NCOA2: variants seen among roughly 807,000 people sequenced by gnomAD.
NCOA2 encodes class E basic helix-loop-helix protein 75.
A neutral mutation model predicts 145.1 loss-of-function variants in NCOA2; 21 were observed. The observed-to-expected ratio is 0.14, with a 90% CI of 0.10 to 0.21. The LOEUF is 0.21. NCOA2 is among the 10% of genes least tolerant of loss of function. The pLI is 1.00. For synonymous variants in NCOA2, 619 were observed against 637.5 expected (o/e 0.97, Z 0.44); for missense variants, 1,472 against 1,837.6 (o/e 0.80, Z 3.64).
At position 70,196,444 on chromosome 8, in the gene NCOA2, G is replaced by A. The variant is rs115765317; in HGVS notation, c.259+17459C>T. On this transcript the variant is annotated intron_variant, in intron 4 of 22. Coordinates refer to ENST00000452400, the MANE Select transcript of NCOA2 (RefSeq NM_006540.4). ...TCTTCACCTATGATGGATATACATC[G>A]GCGATGAAAGCCTGGTTAGAAATGC... Among the ~76,000 whole-genome samples, 709 of 152,126 alleles carry A rather than the reference G, an allele frequency of 4.7e-3. 7 individuals carry two copies. Among genetic ancestry groups the A allele is most frequent in the African/African-American group, 0.017 (691 of 41,500 alleles).
intron 2 of NCOA2, chr8:70,273,347 G>T (rs58213005): frequency 4.6e-6 from 2 of 437,876 alleles, no homozygotes; most frequent in South Asian, 3.0e-5. Context: ...CTAGTCCCCC[G>T]CGCAGCCCCT....
intron 1 of NCOA2, among the ~76,000 whole-genome samples, chr8:70,314,897 C>T (rs1805464739): frequency 6.6e-6 from 1 of 152,150 alleles, no homozygotes; most frequent in African/African-American, 2.4e-5. Context: ...TTCATTTTAT[C>T]TAGCAGGAAG....
At chr8:70,279,516 C>T (rs1825719360) in intron 2 of NCOA2, among the ~76,000 whole-genome samples, 1 of 152,150 alleles carries the variant, frequency 6.6e-6, no homozygotes. Flanking sequence ...AAACACAAAC[C>T]TTAACCTTGG....
intron 2 of NCOA2, among the ~76,000 whole-genome samples, chr8:70,256,345 G>A (rs1410437889): frequency 6.6e-6 from 1 of 152,204 alleles, no homozygotes; most frequent in East Asian, 1.9e-4. Context: ...GGCTGCCATT[G>A]CTAGTAGTAA....
intron 2 of NCOA2, among the ~76,000 whole-genome samples, chr8:70,218,521 G>A (rs1306135324): frequency 2.6e-5 from 4 of 152,178 alleles, no homozygotes; most frequent in Admixed American, 1.3e-4. Flanking sequence ...TTTTAGCTAT[G>A]CGAGGCTCAC....
chr8:70,145,453 T>A (rs1421472271), intron 12 of NCOA2, among the ~76,000 whole-genome samples: 1 of 151,870 alleles, frequency 6.6e-6, no homozygotes, highest in Admixed American at 6.6e-5. Context: ...GCCTCCCGAG[T>A]AGCTGGGACT....
Position 70,191,370 on chromosome 8 carries a change from T to A in NCOA2, c.260-16511A>T, listed in dbSNP as rs553308611. ...GGTTAGCCAGGTAATGTACAATCAC[T>A]TCAGTACTGAAATAATGCCAGTCAA... On this transcript the variant is annotated intron_variant, in intron 4 of 22. Transcript: ENST00000452400. 2.2e-4 allele frequency among the ~76,000 whole-genome samples: 34 copies of A among 152,314 alleles called. No individual in the cohort carries two copies. The South Asian group carries it at 6.8e-3, about 31-fold the overall frequency.
chr8:70,221,603 G>A (rs1344533755), intron 2 of NCOA2, among the ~76,000 whole-genome samples: 1 of 152,182 alleles, frequency 6.6e-6, no homozygotes, highest in Non-Finnish European at 1.5e-5. Flanking sequence ...ACATCCAGTT[G>A]CTAGAGGAAG....
chr8:70,127,121 G>C (rs1292151079), intron 18 of NCOA2, 74 bp from the exon 19 acceptor site: 1 of 1,064,100 alleles, frequency 9.4e-7, no homozygotes, highest in Non-Finnish European at 1.4e-6. Context: ...GAGTATTATA[G>C]AGAGGCTAGC....
In NCOA2 at chr8:70,175,024, G is replaced by A. The variant is rs1376723411; in HGVS notation, c.260-165C>T. Reference sequence around the variant, plus strand: ...TTGCCCCTAAATGGGAGAAACTGCTGGAAGCAGAAGCCAGAACATTAACTT... The same window carrying A: ...TTGCCCCTAAATGGGAGAAACTGCTAGAAGCAGAAGCCAGAACATTAACTT... On this transcript the variant is annotated intron_variant, in intron 4 of 22. Coordinates refer to ENST00000452400, the MANE Select transcript of NCOA2 (RefSeq NM_006540.4). 3.3e-5 allele frequency among the ~76,000 whole-genome samples: 5 copies of A among 152,336 alleles called. No individual in the cohort carries two copies. The South Asian group carries it at 1.0e-3, about 32-fold the overall frequency.
chr8:70,148,141 C>T, intron 12 of NCOA2, 132 bp downstream of exon 12: 1 of 804,816 alleles, frequency 1.2e-6, no homozygotes, highest in Non-Finnish European at 2.1e-6. Flanking sequence ...AAGACCAGGA[C>T]AGTAGATGGT....
intron 12 of NCOA2, 112 bp from the exon 13 acceptor site, chr8:70,144,960 G>C (rs933457343): frequency 3.3e-6 from 3 of 903,274 alleles, no homozygotes; most frequent in Non-Finnish European, 5.2e-6. Context: ...GTATGTCAGG[G>C]ACCAACTACC....
chr8:70,202,134 A>G (rs1817960849), intron 4 of NCOA2, among the ~76,000 whole-genome samples: 1 of 152,216 alleles, frequency 6.6e-6, no homozygotes. Flanking sequence ...CCACAATGAG[A>G]TATCACCTCA....
At chr8:70,306,452 T>C (rs1827897027) in intron 1 of NCOA2, among the ~76,000 whole-genome samples, 1 of 152,232 alleles carries the variant, frequency 6.6e-6, no homozygotes, top group Non-Finnish European at 1.5e-5. Context: ...CTAGAATTTA[T>C]TGATAAAATA....
chr8:70,274,859 T>C (rs373017340), intron 2 of NCOA2, among the ~76,000 whole-genome samples: 2 of 152,310 alleles, frequency 1.3e-5, no homozygotes, highest in African/African-American at 4.8e-5. Flanking sequence ...TGAACTCTGT[T>C]ACCACTGAAG....
At chr8:70,214,139 G>GTTT in intron 3 of NCOA2, 64 bp from the exon 4 acceptor site, 2 of 1,459,008 alleles carry the variant, frequency 1.4e-6, no homozygotes, top group South Asian at 1.3e-5. Context: ...AAAAATGAAC[G>GTTT]TGTTAAACAA....
the NCOA2 span, among the ~76,000 whole-genome samples, chr8:70,443,108 T>TACA: frequency 2.6e-5 from 4 of 152,214 alleles, no homozygotes; most frequent in Non-Finnish European, 5.9e-5. Flanking sequence ...CTCATGCCTG[T>TACA]AATCCCAGCA....
chr8:70,423,952 G>A, the NCOA2 span, among the ~76,000 whole-genome samples: 1 of 152,152 alleles, frequency 6.6e-6, no homozygotes, highest in Non-Finnish European at 1.5e-5. Flanking sequence ...GGCCTCTCCT[G>A]TGATTAACAT....
At chr8:70,329,118 C>T (rs1370730071) in intron 1 of NCOA2, among the ~76,000 whole-genome samples, 2 of 152,012 alleles carry the variant, frequency 1.3e-5, no homozygotes, top group Non-Finnish European at 2.9e-5. Context: ...CCATGCCTGG[C>T]TACTGTTTTC....
Sources: allele counts gnomAD v4.1 joint callset (sites outside exome capture counted in the v4.1 genomes callset), GRCh38; gene constraint gnomAD v4.1.1; transcripts MANE v1.5; gene names NCBI Gene and HGNC (gene_info 2026-07-23, HGNC 2026-07-21).